The following HOXB7 variants were observed in gnomAD, a reference collection of about 807,000 sequenced individuals.
HOXB7 encodes homeobox B7.
HOXB7 carries 11 observed loss-of-function variants against 19.2 expected under a neutral mutation model. The observed-to-expected ratio is 0.57, with a 90% confidence interval of 0.36 to 0.95. The LOEUF is 0.95. Ranked by LOEUF, HOXB7 falls within the 40% of genes least tolerant of loss-of-function variation. HOXB7 has a pLI of 0.01. For missense variants in HOXB7, 318 were observed against 301.1 expected, an observed-to-expected ratio of 1.06 and a Z score of -0.42; for synonymous variants, 141 against 130.2, an observed-to-expected ratio of 1.08 and a Z score of -0.56.
Position 48,610,618 on chromosome 17 carries a change from GA to G in HOXB7, c.300del (p.Gly102AlafsTer61). 1.3e-6 allele frequency: 2 copies of G among 1,560,632 alleles called. No homozygotes were observed. The highest frequency in any genetic ancestry group is 1.7e-6 in the Non-Finnish European group (2 of 1,152,304). ...CCCGCCGCCTTGGCGGAGTCGCCGG[GA>G]CACACCCCGGAGAGGTTCTGCTCAA... ...APFEQNLSGV[C>X]PGDSAKAAGA... On this transcript the variant is annotated frameshift_variant, in exon 1 of 2. Transcript: ENST00000239165. LOFTEE classifies it high-confidence loss of function.
Position 48,607,853 on chromosome 17 carries a change from C to G in HOXB7, c.643G>C (p.Glu215Gln). 6.2e-7 allele frequency: 1 copy of G among 1,613,362 alleles called. No individual in the cohort carries two copies. The highest frequency in any genetic ancestry group is 8.5e-7 in the Non-Finnish European group (1 of 1,179,376). ...CCTTTCTCCATCCCTCACTCTTCCT[C>G]TTCCTCCTCTGCTTCAGCCCTGTCT... is the stretch of plus-strand genomic sequence containing the variant. ...GQDRAEAEEEEEE is the reference protein window; with the variant it reads ...GQDRAEAEEEQEE The change falls in exon 2 of 2, where the codon GAG becomes CAG. Residue 215 changes from glutamate (E) to glutamine (Q), a missense_variant. By Grantham distance (29) the Glu-to-Gln change is conservative (BLOSUM62 2). Transcript: ENST00000239165.
In HOXB7 at chr17:48,610,981, A is replaced by G; in HGVS notation, c.-63T>C. 1.5e-6 allele frequency: 2 copies of G among 1,352,712 alleles called. No homozygotes were observed. Among genetic ancestry groups the G allele is most frequent in the Non-Finnish European group, 2.0e-6 (2 of 1,016,556 alleles). 83.8% of individuals were successfully genotyped at this position (1,352,712 alleles called of 1,614,324 possible). Reference sequence around the variant, plus strand: ...TGTCGGTTTTACGAGATTCCTTGATATATTACAGAATTAGAGTCCAGATTT... The same window carrying G: ...TGTCGGTTTTACGAGATTCCTTGATGTATTACAGAATTAGAGTCCAGATTT... On this transcript the variant is annotated 5_prime_UTR_variant, in exon 1 of 2. Transcript: ENST00000239165.
chr17:48,610,473 G>A lies in HOXB7; in HGVS notation c.400+46C>T, dbSNP rs571423984. ...GGGAAGGAGGCGCCTTCAGGGTAAT[G>A]TGCCCCGGCCCCTGGGGCTCAGGAC... On this transcript the variant is annotated intron_variant, in intron 1 of 1. Transcript: ENST00000239165. The A allele has an allele frequency of 2.9e-6, 4 of 1,387,468 alleles. No individual in the cohort carries two copies. In the East Asian group the frequency reaches 8.5e-5, roughly 29 times the overall value. The allele number at this position is 1,387,468 out of a possible 1,614,324, so 85.9% of individuals were successfully genotyped here. A position where few individuals can be genotyped will look rare whatever the true frequency, so the allele number is the denominator to read the frequency against.
chr17:48,610,775 G>C lies in HOXB7; in HGVS notation c.144C>G (p.Gly48=), dbSNP rs35272692. 3.0e-3 allele frequency: 4,808 copies of C among 1,599,054 alleles called. 8 individuals carry two copies. The highest frequency in any genetic ancestry group is 3.7e-3 in the Non-Finnish European group (4,376 of 1,171,768). The change falls in exon 1 of 2, where the codon GGC becomes GGG. Residue 48 remains glycine, a synonymous_variant. Transcript: ENST00000239165. ...PQRPGYGAGS[G]ASFAASMQGL... ...CCTGCATCGAGGCGGCGAAGGAAGC[G>C]CCCGAACCCGCTCCATAGCCCGGGC...
chr17:48,609,972 T>C (rs1360625994), intron 1 of HOXB7, among the ~76,000 whole-genome samples: 2 of 152,014 alleles, frequency 1.3e-5, no homozygotes, highest in Non-Finnish European at 2.9e-5. Flanking sequence ...AGAGCCCACC[T>C]CTAATTGTCC....
intron 1 of HOXB7, among the ~76,000 whole-genome samples, chr17:48,610,255 G>A (rs778186299): frequency 3.3e-5 from 5 of 152,202 alleles, no homozygotes; most frequent in Non-Finnish European, 5.9e-5. Context: ...GAGAGGAAGG[G>A]TGGGGGCGGG....
rs1597887760 is a variant in HOXB7 at position 48,610,615 on chromosome 17, C to T, written c.304G>A (p.Gly102Ser). ...FEQNLSGVCP[G>S]DSAKAAGAKE... ...GCGCCCGCCGCCTTGGCGGAGTCGC[C>T]GGGACACACCCCGGAGAGGTTCTGC... The change falls in exon 1 of 2, where the codon GGC (glycine) becomes AGC (serine). Residue 102 changes from glycine (G) to serine (S), a missense_variant. By Grantham distance (56) the Gly-to-Ser change is moderately conservative. Coordinates refer to ENST00000239165, the MANE Select transcript of HOXB7 (RefSeq NM_004502.4). 5.8e-6 allele frequency: 9 copies of T among 1,558,904 alleles called. No individual in the cohort carries two copies. The highest frequency in any genetic ancestry group is 6.9e-6 in the Non-Finnish European group (8 of 1,151,268).
In HOXB7 at chr17:48,610,932, G is replaced by A. The variant is rs1217095545; in HGVS notation, c.-14C>T. 6.8e-7 allele frequency: 1 copy of A among 1,476,386 alleles called. No individual in the cohort carries two copies. Among genetic ancestry groups the A allele is most frequent in the African/African-American group, 1.4e-5 (1 of 69,622 alleles). 91.5% of individuals were successfully genotyped at this position (1,476,386 alleles called of 1,614,324 possible). A position where few individuals can be genotyped will look rare whatever the true frequency, so the allele number is the denominator to read the frequency against. ...CAATGAACTCATAATTTGGCCGGATGATTTGTAGGCAGGGACGTTTTAGTG... is the reference window on the plus strand; with the variant it reads ...CAATGAACTCATAATTTGGCCGGATAATTTGTAGGCAGGGACGTTTTAGTG... On this transcript the variant is annotated 5_prime_UTR_variant, in exon 1 of 2. Coordinates refer to ENST00000239165, the MANE Select transcript of HOXB7 (RefSeq NM_004502.4).
rs1374407609 is a variant in HOXB7 at position 48,610,927 on chromosome 17, C to T, written c.-9G>A. 2 of 1,473,664 alleles carry T rather than the reference C, an allele frequency of 1.4e-6. No homozygotes were observed. Among genetic ancestry groups the T allele is most frequent in the South Asian group, 1.5e-5 (1 of 68,494 alleles). 91.3% of individuals were successfully genotyped at this position (1,473,664 alleles called of 1,614,324 possible). On this transcript the variant is annotated 5_prime_UTR_variant, in exon 1 of 2. Coordinates refer to ENST00000239165, the MANE Select transcript of HOXB7 (RefSeq NM_004502.4). ...TAATACAATGAACTCATAATTTGGC[C>T]GGATGATTTGTAGGCAGGGACGTTT...
chr17:48,610,154 C>A (rs1262361921), intron 1 of HOXB7, among the ~76,000 whole-genome samples: 1 of 152,182 alleles, frequency 6.6e-6, no homozygotes, highest in Non-Finnish European at 1.5e-5. Context: ...AATGGCTATT[C>A]TCTGCAAACA....
At position 48,607,485 on chromosome 17, in the gene HOXB7, T is replaced by G. The variant is rs1369385435; in HGVS notation, c.*357A>C. The G allele has an allele frequency of 4.7e-6, 1 of 213,736 alleles. No individual in the cohort carries two copies. The highest frequency in any genetic ancestry group is 2.4e-5 in the African/African-American group (1 of 42,546). The allele number at this position is 213,736 out of a possible 1,614,324, so 13.2% of individuals were successfully genotyped here. On this transcript the variant is annotated 3_prime_UTR_variant, in exon 2 of 2. Coordinates refer to ENST00000239165, the MANE Select transcript of HOXB7 (RefSeq NM_004502.4). ...CAGCATTAAAGAGGGCTTACAAAAC[T>G]GCAAGATTTTACAAAGACCTTACAA...
At position 48,610,625 on chromosome 17, in the gene HOXB7, C is replaced by T. The variant is rs2070634360; in HGVS notation, c.294G>A (p.Gly98=). The stretch of plus-strand genomic sequence containing the variant: ...CCTTGGCGGAGTCGCCGGGACACAC[C>T]CCGGAGAGGTTCTGCTCAAAGGGCG... ...HCAPFEQNLS[G]VCPGDSAKAA... Residue 98 remains glycine (G), a synonymous_variant, in exon 1 of 2, where the codon GGG becomes GGA. Transcript: ENST00000239165. 1 of 1,564,194 alleles carries T rather than the reference C, an allele frequency of 6.4e-7. No individual in the cohort carries two copies. The highest frequency in any genetic ancestry group is 8.7e-7 in the Non-Finnish European group (1 of 1,154,482).
intron 1 of HOXB7, among the ~76,000 whole-genome samples, chr17:48,610,003 C>A (rs752781919): frequency 2.6e-5 from 4 of 151,966 alleles, no homozygotes; most frequent in Admixed American, 6.6e-5. Context: ...AATGGGGGAG[C>A]GGGGTTGGCT....
rs779513387 is a variant in HOXB7, at chr17:48,610,825, A to C, written c.94T>G (p.Cys32Gly). 1.9e-6 allele frequency: 3 copies of C among 1,582,998 alleles called. No homozygotes were observed. The highest frequency in any genetic ancestry group is 1.2e-5 in the South Asian group (1 of 86,700). Residue 32 changes from cysteine (C) to glycine (G), a missense_variant, in exon 1 of 2, where the codon TGT becomes GGT. Physicochemically the swap from Cys to Gly is radical, Grantham distance 159 (BLOSUM62 -3). Transcript: ENST00000239165. ...CGCTGGGGGTTGGAAGCAAACGCAC[A>C]AGAAGTTTGTTCTGGGAAGGCTCCG... ...ATGAFPEQTS[C>G]AFASNPQRPG...
Position 48,610,871 on chromosome 17 carries a change from G to A in HOXB7, c.48C>T (p.Ala16=), listed in dbSNP as rs974782744. The A allele has an allele frequency of 2.6e-6, 4 of 1,529,608 alleles. No homozygotes were observed. Among genetic ancestry groups the A allele is most frequent in the Non-Finnish European group, 3.5e-6 (4 of 1,139,330 alleles). The allele number at this position is 1,529,608 out of a possible 1,614,324, so 94.8% of individuals were successfully genotyped here. Residue 16 remains alanine, a synonymous_variant, in exon 1 of 2, where the codon GCC becomes GCT. Coordinates refer to ENST00000239165, the MANE Select transcript of HOXB7 (RefSeq NM_004502.4). ...CTCCGGTAGCGAAAACCGAACTTGA[G>A]GCTGGATATTTAGAAAATAAAGTAT... ...YANTLFSKYP[A]SSSVFATGAF...
intron 1 of HOXB7, among the ~76,000 whole-genome samples, chr17:48,610,073 C>G (rs962538173): frequency 9.8e-3 from 1 of 102 alleles, no homozygotes; most frequent in South Asian, 0.5. Flanking sequence ...CATACCTTAT[C>G]CGAGTGGGGC....
intron 1 of HOXB7, among the ~76,000 whole-genome samples, chr17:48,609,452 C>G (rs1201070532): frequency 1.3e-5 from 2 of 152,226 alleles, no homozygotes; most frequent in African/African-American, 4.8e-5. Flanking sequence ...GGTATGAGAG[C>G]TGGGCTGCTT....
Position 48,607,991 on chromosome 17 carries a change from C to G in HOXB7, c.505G>C (p.Glu169Gln), listed in dbSNP as rs1473536987. 1 of 1,614,048 alleles carries G rather than the reference C, an allele frequency of 6.2e-7. No homozygotes were observed. Among genetic ancestry groups the G allele is most frequent in the African/African-American group, 1.3e-5 (1 of 74,906 alleles). The change falls in exon 2 of 2, where the codon GAG becomes CAG. Residue 169 changes from glutamate (E) to glutamine (Q), a missense_variant. By Grantham distance (29) the Glu-to-Gln change is conservative (BLOSUM62 2). Coordinates refer to ENST00000239165, the MANE Select transcript of HOXB7 (RefSeq NM_004502.4). Reference sequence around the variant, plus strand: ...GTGAGGCAGAGCGTGTGCGCGATCTCGATGCGCCGCCGCCGCGTCAGGTAG... The same window carrying G: ...GTGAGGCAGAGCGTGTGCGCGATCTGGATGCGCCGCCGCCGCGTCAGGTAG... ...NRYLTRRRRI[E>Q]IAHTLCLTER...
At chr17:48,610,257 G>C (rs1015506802) in intron 1 of HOXB7, among the ~76,000 whole-genome samples, 2 of 152,220 alleles carry the variant, frequency 1.3e-5, no homozygotes, top group Non-Finnish European at 1.5e-5. Context: ...GAGGAAGGGT[G>C]GGGGCGGGCT....
Sources: gnomAD v4.1 joint callset for allele counts (sites outside exome capture counted in the v4.1 genomes callset) on GRCh38, gnomAD v4.1.1 for gene constraint, MANE v1.5 for transcripts, NCBI Gene and HGNC (gene_info 2026-07-23, HGNC 2026-07-21) for gene names.